RALGPS1: variants seen among roughly 807,000 people sequenced by gnomAD.
RALGPS1 encodes the protein Ral GEF with PH domain and SH3 binding motif 1.
In RALGPS1, 19 loss-of-function variants were observed where a neutral mutation model predicts 78.8. That is an observed-to-expected ratio of 0.24 (90% CI 0.17 to 0.35). The LOEUF is 0.35. RALGPS1 is among the 10% of genes least tolerant of loss of function. The probability of loss-of-function intolerance (pLI) is 1.00; values close to 1 mark genes in which losing one functional copy is unlikely to be tolerated. For missense variants in RALGPS1, 454 were observed against 688.3 expected (o/e 0.66, Z 3.81); for synonymous variants, 228 against 256.3 (o/e 0.89, Z 1.06).
intron 1 of RALGPS1, among the ~76,000 whole-genome samples, chr9:126,939,964 C>T (rs192565348): frequency 5.6e-4 from 85 of 152,326 alleles, no homozygotes; most frequent in African/African-American, 2.0e-3. Context: ...ACGTTTCATT[C>T]GCCTCTGGGC....
chr9:127,047,091 CT>C (rs977604964), intron 5 of RALGPS1, among the ~76,000 whole-genome samples: 1 of 151,936 alleles, frequency 6.6e-6, no homozygotes, highest in African/African-American at 2.4e-5. Flanking sequence ...TTGGAGGCCA[CT>C]TTTTTTACAT....
intron 4 of RALGPS1, among the ~76,000 whole-genome samples, chr9:127,023,331 G>T (rs1027423467): frequency 6.6e-6 from 1 of 152,070 alleles, no homozygotes; most frequent in East Asian, 1.9e-4. Flanking sequence ...TTCAAGACCC[G>T]GTCTGACTCA....
At chr9:127,068,265 A>C (rs2049887227) in intron 7 of RALGPS1, among the ~76,000 whole-genome samples, 2 of 152,202 alleles carry the variant, frequency 1.3e-5, no homozygotes, top group South Asian at 2.1e-4. Context: ...TATAGCCTGG[A>C]TTCGAGTGGT....
chr9:127,093,668 C>A, intron 8 of RALGPS1: 1 of 1,581,682 alleles, frequency 6.3e-7, no homozygotes. Flanking sequence ...ATTGGTTGCT[C>A]AGGCCTCTCT....
intron 4 of RALGPS1, among the ~76,000 whole-genome samples, chr9:126,998,018 T>A (rs1222699031): frequency 6.6e-6 from 1 of 152,248 alleles, no homozygotes; most frequent in East Asian, 1.9e-4. Flanking sequence ...CAAAAATTAA[T>A]TCAAGATGGA....
rs535395925 is a variant in RALGPS1 at position 126,968,509 on chromosome 9, A to G, written c.165+2558A>G. Among the ~76,000 whole-genome samples, 4 of 152,328 alleles carry G rather than the reference A, an allele frequency of 2.6e-5. No individual in the cohort carries two copies. The South Asian group carries it at 8.3e-4, about 32-fold the overall frequency. ...CAACTCCTATTTTTGAACACTGATT[A>G]TGTCTAGGTCTTGTGTTAAATGTTT... On this transcript the variant is annotated intron_variant, in intron 3 of 18. Coordinates refer to ENST00000259351, the MANE Select transcript of RALGPS1 (RefSeq NM_014636.3).
intron 4 of RALGPS1, among the ~76,000 whole-genome samples, chr9:126,989,363 G>T (rs2042081158): frequency 6.6e-6 from 1 of 152,114 alleles, no homozygotes; most frequent in East Asian, 1.9e-4. Flanking sequence ...TGGGAGGAGG[G>T]GAAGACTCAA....
chr9:126,978,362 A>G (rs1164247291), intron 4 of RALGPS1: 1 of 152,088 alleles, frequency 6.6e-6, no homozygotes, highest in Non-Finnish European at 1.5e-5. Flanking sequence ...AATAAAGGGT[A>G]AAAAGTTGAT....
chr9:127,196,682 G>T (rs113141895), intron 13 of RALGPS1, 51 bp downstream of exon 13: 15 of 1,506,140 alleles, frequency 1.0e-5, no homozygotes, highest in Non-Finnish European at 9.8e-6. Flanking sequence ...TAGGCCCAGC[G>T]TGTGCTCCGT....
At chr9:127,049,123 C>T (rs2048069284) in intron 5 of RALGPS1, among the ~76,000 whole-genome samples, 1 of 152,174 alleles carries the variant, frequency 6.6e-6, no homozygotes, top group South Asian at 2.1e-4. Context: ...TCTCCCTATG[C>T]CCCGTGCTTT....
At chr9:126,973,350 A>G (rs1387049970) in intron 3 of RALGPS1, among the ~76,000 whole-genome samples, 1 of 152,218 alleles carries the variant, frequency 6.6e-6, no homozygotes, top group Admixed American at 6.5e-5. Flanking sequence ...AAGCCTGGAC[A>G]ACAGGTAAGA....
At chr9:127,088,866 C>A (rs761716759) in intron 8 of RALGPS1, 5 of 1,573,070 alleles carry the variant, frequency 3.2e-6, no homozygotes, top group East Asian at 2.2e-5. Context: ...AGGAGTTGTT[C>A]TTTGTGCTGT....
intron 8 of RALGPS1, among the ~76,000 whole-genome samples, chr9:127,077,855 G>A (rs1029097717): frequency 6.6e-6 from 1 of 152,214 alleles, no homozygotes; most frequent in African/African-American, 2.4e-5. Flanking sequence ...AGTTGGACCT[G>A]TGTGGAACCA....
At chr9:126,964,338 T>C (rs1377265396) in intron 2 of RALGPS1, among the ~76,000 whole-genome samples, 2 of 149,812 alleles carry the variant, frequency 1.3e-5, no homozygotes, top group Admixed American at 6.7e-5. Context: ...CACTGCACTT[T>C]TGCCCGGGTG....
chr9:127,086,812 A>G (rs547865492), intron 8 of RALGPS1, among the ~76,000 whole-genome samples: 1 of 152,292 alleles, frequency 6.6e-6, no homozygotes, highest in East Asian at 1.9e-4. Context: ...ACAAGGAGAC[A>G]GTTCTAGCAG....
intron 2 of RALGPS1, among the ~76,000 whole-genome samples, chr9:126,963,218 T>C (rs747785058): frequency 3.3e-5 from 5 of 152,216 alleles, no homozygotes; most frequent in Admixed American, 2.6e-4. Flanking sequence ...GATACAATGG[T>C]GTGTCACTGG....
intron 5 of RALGPS1, among the ~76,000 whole-genome samples, chr9:127,038,262 G>T (rs996437078): frequency 6.6e-6 from 1 of 152,136 alleles, no homozygotes; most frequent in Non-Finnish European, 1.5e-5. Context: ...CATTTTACCC[G>T]TGCTATCTAA....
chr9:127,134,690 T>C (rs2057274531), intron 8 of RALGPS1, among the ~76,000 whole-genome samples: 1 of 152,102 alleles, frequency 6.6e-6, no homozygotes, highest in African/African-American at 2.4e-5. Context: ...ATTTTGTTTT[T>C]GTTGTTGTTG....
Position 127,211,210 on chromosome 9 carries a change from G to T in RALGPS1, c.1248-921G>T, listed in dbSNP as rs2062233640. On this transcript the variant is annotated intron_variant, in intron 14 of 18. Coordinates refer to ENST00000259351, the MANE Select transcript of RALGPS1 (RefSeq NM_014636.3). The surrounding 1 kb of genome is among the most constrained non-coding windows in gnomAD (Gnocchi z 5.0). ...AGCATGCATCATCCAGCAGGGGTGA[G>T]AATGGTGGCTCAGATCTTAAAAGCG... is the stretch of plus-strand genomic sequence containing the variant. Among the ~76,000 whole-genome samples, 1 of 152,164 alleles carries T rather than the reference G, an allele frequency of 6.6e-6. No individual in the cohort carries two copies. The highest frequency in any genetic ancestry group is 1.5e-5 in the Non-Finnish European group (1 of 68,024).
Sources: allele counts gnomAD v4.1 joint callset (sites outside exome capture counted in the v4.1 genomes callset), GRCh38; gene constraint gnomAD v4.1.1; non-coding constraint Gnocchi (gnomAD v3.1); transcripts MANE v1.5; gene names NCBI Gene and HGNC (gene_info 2026-07-23, HGNC 2026-07-21).